SKP1: variants seen among roughly 807,000 people sequenced by gnomAD.
The protein encoded by SKP1 is S-phase kinase associated protein 1.
SKP1 carries 1 observed loss-of-function variant against 21.5 expected under a neutral mutation model. The ratio of observed to expected loss-of-function variants is 0.05; its 90% confidence interval spans 0.02 to 0.22. The LOEUF (loss-of-function observed/expected upper bound fraction) is 0.22. Among genes scored for constraint, SKP1 ranks in the 10% least tolerant of loss-of-function variants. The probability of loss-of-function intolerance (pLI) is 1.00; values close to 1 mark genes in which losing one functional copy is unlikely to be tolerated. For synonymous variants in SKP1, 59 were observed against 59.3 expected (o/e 0.99, Z 0.03); for missense variants, 70 against 192.0 (o/e 0.36, Z 3.76).
rs1761098055 is a variant in SKP1, at chr5:134,154,814, C to T, written c.*2919G>A. On this transcript the variant is annotated 3_prime_UTR_variant, in exon 6 of 6. Coordinates refer to ENST00000353411, the MANE Select transcript of SKP1 (RefSeq NM_170679.3). ...TACTTTATCAACAAGGGTTTTCTTT[C>T]CTTTACTACTATAACAGTAATTAGA... is the stretch of plus-strand genomic sequence containing the variant. 1 of 152,172 alleles carries T rather than the reference C, an allele frequency of 6.6e-6. No individual in the cohort carries two copies. The highest frequency in any genetic ancestry group is 2.1e-4 in the South Asian group (1 of 4,826). 9.4% of individuals were successfully genotyped at this position (152,172 alleles called of 1,614,324 possible).
At chr5:134,163,337 A>G (rs1761257998) in intron 3 of SKP1, among the ~76,000 whole-genome samples, 1 of 151,982 alleles carries the variant, frequency 6.6e-6, no homozygotes, top group South Asian at 2.1e-4. Flanking sequence ...CCAGTAAAAA[A>G]GAAAAACAAA....
rs1287513696 is a variant in SKP1 at position 134,155,402 on chromosome 5, GCTT to G, written c.*2328_*2330del. On this transcript the variant is annotated 3_prime_UTR_variant, in exon 6 of 6. Transcript: ENST00000353411. The stretch of plus-strand genomic sequence containing the variant: ...TAATACTGCAACCAGACTGAAAAGG[GCTT>G]CTTAATACCATGTCTATGATTTATT... 8 of 152,176 alleles carry G rather than the reference GCTT, an allele frequency of 5.3e-5. No homozygotes were observed. The highest frequency in any genetic ancestry group is 1.0e-4 in the Non-Finnish European group (7 of 68,028). 9.4% of individuals were successfully genotyped at this position (152,176 alleles called of 1,614,324 possible).
intron 5 of SKP1, 120 bp downstream of exon 5, chr5:134,158,335 T>G (rs1761156362): frequency 6.3e-7 from 1 of 1,581,998 alleles, no homozygotes; most frequent in African/African-American, 1.3e-5. Flanking sequence ...ACACATTAAG[T>G]ACATATTATC....
intron 2 of SKP1, 50 bp from the exon 3 acceptor site, chr5:134,167,293 T>C (rs769395633): frequency 1.1e-4 from 121 of 1,149,056 alleles, no homozygotes; most frequent in Non-Finnish European, 4.2e-5. Context: ...TTATAATACT[T>C]ATACCAACCA....
At chr5:134,161,948 G>A (rs1340583187) in intron 3 of SKP1, 3 of 151,990 alleles carry the variant, frequency 2.0e-5, no homozygotes, top group Non-Finnish European at 4.4e-5. Context: ...GTTGTCTACT[G>A]TGTAATTCTT....
rs1240200497 is a variant in SKP1, at chr5:134,154,693, A to G, written c.*3040T>C. ...CATGTTGTTTACAGAGGAAACCGACAAACATCCTTCAATCACCCAAATCTG... is the reference window on the plus strand; with the variant it reads ...CATGTTGTTTACAGAGGAAACCGACGAACATCCTTCAATCACCCAAATCTG... On this transcript the variant is annotated 3_prime_UTR_variant, in exon 6 of 6. Coordinates refer to ENST00000353411, the MANE Select transcript of SKP1 (RefSeq NM_170679.3). 1.3e-5 allele frequency: 2 copies of G among 152,202 alleles called. No individual in the cohort carries two copies. The highest frequency in any genetic ancestry group is 3.8e-4 in the East Asian group (2 of 5,196). 9.4% of individuals were successfully genotyped at this position (152,202 alleles called of 1,614,324 possible).
chr5:134,154,015 C>T lies in SKP1; in HGVS notation c.*3718G>A, dbSNP rs559449037. 6.6e-6 allele frequency: 1 copy of T among 152,318 alleles called. No homozygotes were observed. The highest frequency in any genetic ancestry group is 1.9e-4 in the East Asian group (1 of 5,184). 9.4% of individuals were successfully genotyped at this position (152,318 alleles called of 1,614,324 possible). ...GTAAAAAGTCACAGCTATAATCCCACACAGGGAGCTACAGGATGATTTTGT... is the reference window on the plus strand; with the variant it reads ...GTAAAAAGTCACAGCTATAATCCCATACAGGGAGCTACAGGATGATTTTGT... On this transcript the variant is annotated 3_prime_UTR_variant, in exon 6 of 6. Coordinates refer to ENST00000353411, the MANE Select transcript of SKP1 (RefSeq NM_170679.3).
In SKP1 at chr5:134,173,131, G is replaced by A. The variant is rs557761965; in HGVS notation, c.97+795C>T. 2.0e-5 allele frequency among the ~76,000 whole-genome samples: 3 copies of A among 151,986 alleles called. No homozygotes were observed. In the South Asian group the frequency reaches 6.2e-4, roughly 32 times the overall value. On this transcript the variant is annotated intron_variant, in intron 2 of 5. Coordinates refer to ENST00000353411, the MANE Select transcript of SKP1 (RefSeq NM_170679.3). The stretch of plus-strand genomic sequence containing the variant: ...GCGGATCACCTGAGGTCGGGAGTCC[G>A]AGACCAGCCTGACCAACATGGAGAA...
chr5:134,170,295 C>T (rs1381748560), intron 2 of SKP1, among the ~76,000 whole-genome samples: 2 of 152,178 alleles, frequency 1.3e-5, no homozygotes, highest in Non-Finnish European at 2.9e-5. Context: ...CTCTTGGGCT[C>T]AAGTAATCCT....
intron 3 of SKP1, among the ~76,000 whole-genome samples, chr5:134,163,180 ACTC>A (rs1761250181): frequency 7.4e-6 from 1 of 135,206 alleles, no homozygotes; most frequent in Non-Finnish European, 1.5e-5. Flanking sequence ...GTGCCACTGC[ACTC>A]CAGCCTGAGC....
Position 134,161,083 on chromosome 5 carries a change from T to A in SKP1, c.219A>T (p.Glu73Asp). 1.2e-6 allele frequency: 2 copies of A among 1,613,406 alleles called. No individual in the cohort carries two copies. The highest frequency in any genetic ancestry group is 1.7e-6 in the Non-Finnish European group (2 of 1,179,446). The change falls in exon 4 of 6, where the codon GAA becomes GAT. Residue 73 changes from glutamate (E) to aspartate (D), a missense_variant. Physicochemically the swap from Glu to Asp is conservative, Grantham distance 45. Coordinates refer to ENST00000353411, the MANE Select transcript of SKP1 (RefSeq NM_170679.3). Reference protein sequence around the residue: ...THHKDDPPPPEDDENKEKRTD... With the variant: ...THHKDDPPPPDDDENKEKRTD... Reference sequence around the variant, plus strand: ...TTCGCTTTTCTTTGTTCTCATCATCTTCAGGAGGAGGAGGGTCATCCTTGT... The same window carrying A: ...TTCGCTTTTCTTTGTTCTCATCATCATCAGGAGGAGGAGGGTCATCCTTGT...
intron 2 of SKP1, among the ~76,000 whole-genome samples, chr5:134,171,682 T>C (rs1035568638): frequency 1.3e-5 from 2 of 152,212 alleles, no homozygotes; most frequent in African/African-American, 4.8e-5. Flanking sequence ...TATTTTCACT[T>C]TCCCTAGCAC....
intron 3 of SKP1, among the ~76,000 whole-genome samples, chr5:134,164,101 A>C (rs1761280199): frequency 6.6e-6 from 1 of 151,994 alleles, no homozygotes; most frequent in Admixed American, 6.6e-5. Flanking sequence ...CAGGCGGATC[A>C]CCTGAGGTCC....
At chr5:134,167,387 T>C (rs926135841) in intron 2 of SKP1, 144 bp from the exon 3 acceptor site, 1 of 623,666 alleles carries the variant, frequency 1.6e-6, no homozygotes, top group Non-Finnish European at 2.9e-6. Flanking sequence ...ATTAAACATA[T>C]TGGGAAAAAA....
intron 3 of SKP1, among the ~76,000 whole-genome samples, chr5:134,166,160 G>A (rs1168415100): frequency 6.6e-6 from 1 of 151,198 alleles, no homozygotes; most frequent in Non-Finnish European, 1.5e-5. Context: ...ACTCCAGCCT[G>A]GGCAACAGGG....
rs1761055575 is a variant in SKP1 at position 134,152,286 on chromosome 5, T to G, written c.*5447A>C. ...TGAATAAATGCTGATAAAATACTAC[T>G]GAGTGTCAGCAAAGTACTGTGACTA... On this transcript the variant is annotated 3_prime_UTR_variant, in exon 6 of 6. Coordinates refer to ENST00000353411, the MANE Select transcript of SKP1 (RefSeq NM_170679.3). 1 of 152,288 alleles carries G rather than the reference T, an allele frequency of 6.6e-6. No individual in the cohort carries two copies. Among genetic ancestry groups the G allele is most frequent in the Admixed American group, 6.5e-5 (1 of 15,288 alleles). The allele number at this position is 152,288 out of a possible 1,614,324, so 9.4% of individuals were successfully genotyped here. A position where few individuals can be genotyped will look rare whatever the true frequency, so the allele number is the denominator to read the frequency against.
Position 134,170,173 on chromosome 5 carries a change from A to AAAAATAAAATAAAAT in SKP1, c.98-2945_98-2931dup, listed in dbSNP as rs57218893. Among the ~76,000 whole-genome samples, 558 of 152,136 alleles carry AAAAATAAAATAAAAT rather than the reference A, an allele frequency of 3.7e-3. 4 individuals are homozygous for AAAAATAAAATAAAAT. Among genetic ancestry groups the AAAAATAAAATAAAAT allele is most frequent in the African/African-American group, 0.013 (541 of 41,404 alleles). On this transcript the variant is annotated intron_variant, in intron 2 of 5. Coordinates refer to ENST00000353411, the MANE Select transcript of SKP1 (RefSeq NM_170679.3). ...CAACAAGAGTGAAACTCCATCTCAA[A>AAAAATAAAATAAAAT]AAAATAAAATAAAATAAAATAAAGG...
rs2149371604 is a variant in SKP1 at position 134,152,855 on chromosome 5, T to TA, written c.*4877dup. 1 of 152,522 alleles carries TA rather than the reference T, an allele frequency of 6.6e-6. No homozygotes were observed. The highest frequency in any genetic ancestry group is 1.9e-4 in the East Asian group (1 of 5,174). 9.4% of individuals were successfully genotyped at this position (152,522 alleles called of 1,614,324 possible). A position where few individuals can be genotyped will look rare whatever the true frequency, so the allele number is the denominator to read the frequency against. ...GTGCCCAGCCCAGGAACATTTTTAT[T>TA]AGAGTTATCCACTCCCTCCCAGCAG... On this transcript the variant is annotated 3_prime_UTR_variant, in exon 6 of 6. Transcript: ENST00000353411.
chr5:134,167,598 C>T (rs1483228036), intron 2 of SKP1, among the ~76,000 whole-genome samples: 1 of 151,978 alleles, frequency 6.6e-6, no homozygotes, highest in African/African-American at 2.4e-5. Context: ...TCTCGGCTCA[C>T]TGCAAGCTCC....
Sources: gnomAD v4.1 joint callset for allele counts (sites outside exome capture counted in the v4.1 genomes callset) on GRCh38, gnomAD v4.1.1 for gene constraint, MANE v1.5 for transcripts, NCBI Gene and HGNC (gene_info 2026-07-23, HGNC 2026-07-21) for gene names.